Variants in SYT9 observed in about 807,000 individuals in gnomAD.
The protein encoded by SYT9 is synaptotagmin-9.
In SYT9, 22 loss-of-function variants were observed where a neutral mutation model predicts 48.4. The observed-to-expected ratio is 0.45, with a 90% CI of 0.32 to 0.65. The LOEUF is 0.65. Ranked by LOEUF, SYT9 falls within the 30% of genes least tolerant of loss-of-function variation. SYT9 has a pLI of 0.03. For synonymous variants in SYT9, 265 were observed against 245.0 expected, an observed-to-expected ratio of 1.08 and a Z score of -0.76; for missense variants, 577 against 622.0, an observed-to-expected ratio of 0.93 and a Z score of 0.77.
intron 3 of SYT9, among the ~76,000 whole-genome samples, chr11:7,371,734 C>T (rs1850366398): frequency 6.6e-6 from 1 of 152,110 alleles, no homozygotes; most frequent in South Asian, 2.1e-4. Flanking sequence ...CTGTGATTTC[C>T]TCTTCTTGCA....
At chr11:7,419,361 G>C (rs1847307222) in intron 5 of SYT9, among the ~76,000 whole-genome samples, 1 of 151,942 alleles carries the variant, frequency 6.6e-6, no homozygotes, top group Non-Finnish European at 1.5e-5. Flanking sequence ...AATGGGCAGA[G>C]ACTCAAATAT....
chr11:7,408,180 G>A (rs1366080346), intron 3 of SYT9, among the ~76,000 whole-genome samples: 1 of 152,182 alleles, frequency 6.6e-6, no homozygotes, highest in Non-Finnish European at 1.5e-5. Context: ...CCAGGCTGGA[G>A]TGCAATGGCA....
At chr11:7,271,916 G>C (rs1313476466) in intron 1 of SYT9, among the ~76,000 whole-genome samples, 1 of 152,126 alleles carries the variant, frequency 6.6e-6, no homozygotes, top group Non-Finnish European at 1.5e-5. Context: ...TAGATATTTA[G>C]AGAAAAAATG....
chr11:7,247,446 C>T (rs937075241), upstream of SYT9, among the ~76,000 whole-genome samples: 3 of 150,884 alleles, frequency 2.0e-5, no homozygotes, highest in African/African-American at 7.3e-5. Flanking sequence ...CTTTTTATGG[C>T]TGAGTAGTAT....
chr11:7,364,265 C>T (rs889802505), intron 3 of SYT9, among the ~76,000 whole-genome samples: 2 of 152,112 alleles, frequency 1.3e-5, no homozygotes, highest in African/African-American at 2.4e-5. Flanking sequence ...ATGTTGGCAG[C>T]GAGTTAAGGC....
In SYT9 at chr11:7,313,457, A is replaced by G; in HGVS notation, c.560A>G (p.Gln187Arg). The change falls in exon 3 of 7, where the codon CAA becomes CGA. Residue 187 changes from glutamine to arginine, a missense_variant. Transcript: ENST00000318881. ...CCGGACTTCAATATCCAGCAGCTTC[A>G]AAAACAGGAACAGTTGACTGGAATT... ...SNPDFNIQQLQKQEQLTGIGR... is the reference protein window; with the variant it reads ...SNPDFNIQQLRKQEQLTGIGR... 6.2e-7 allele frequency: 1 copy of G among 1,614,014 alleles called. No individual in the cohort carries two copies. Among genetic ancestry groups the G allele is most frequent in the African/African-American group, 1.3e-5 (1 of 75,064 alleles).
chr11:7,369,031 G>T (rs1850303353), intron 3 of SYT9, among the ~76,000 whole-genome samples: 1 of 152,068 alleles, frequency 6.6e-6, no homozygotes, highest in Non-Finnish European at 1.5e-5. Context: ...TGGTATTTGT[G>T]GTTCTAAAAC....
intron 3 of SYT9, among the ~76,000 whole-genome samples, chr11:7,411,686 C>T (rs1278139168): frequency 6.6e-6 from 1 of 152,122 alleles, no homozygotes. Flanking sequence ...GACTATAATA[C>T]GCTGCAGAGA....
At chr11:7,387,019 A>G (rs1850674376) in intron 3 of SYT9, among the ~76,000 whole-genome samples, 1 of 152,194 alleles carries the variant, frequency 6.6e-6, no homozygotes, top group South Asian at 2.1e-4. Context: ...GAAGCTGTAA[A>G]CCATCATTCT....
At chr11:7,243,704 TG>T (rs1564833972) in intron 1 of SYT9, among the ~76,000 whole-genome samples, 1 of 152,040 alleles carries the variant, frequency 6.6e-6, no homozygotes, top group Non-Finnish European at 1.5e-5. Context: ...TCACTGGGGA[TG>T]GGGGAGGTTT....
At chr11:7,384,907 T>G (rs980338237) in intron 3 of SYT9, among the ~76,000 whole-genome samples, 1 of 152,138 alleles carries the variant, frequency 6.6e-6, no homozygotes, top group African/African-American at 2.4e-5. Context: ...GCATCTGTGC[T>G]TGCTCCTCTG....
At chr11:7,451,415 G>A (rs774211517) in intron 6 of SYT9, among the ~76,000 whole-genome samples, 2 of 152,102 alleles carry the variant, frequency 1.3e-5, no homozygotes, top group African/African-American at 2.4e-5. Context: ...AATTTCCCTC[G>A]CTATCTTAGC....
intron 1 of SYT9, among the ~76,000 whole-genome samples, chr11:7,261,237 C>T (rs918556048): frequency 2.6e-5 from 4 of 152,186 alleles, no homozygotes; most frequent in Non-Finnish European, 5.9e-5. Context: ...CTATTGAAGA[C>T]ATCTTAGTTT....
chr11:7,285,146 G>T (rs1848573635), intron 1 of SYT9, among the ~76,000 whole-genome samples: 1 of 152,122 alleles, frequency 6.6e-6, no homozygotes, highest in African/African-American at 2.4e-5. Flanking sequence ...GATGAGGCAG[G>T]ATTCTTTCTC....
rs777994542 is a variant in SYT9, at chr11:7,252,013, C to A, written c.-174C>A. 2.7e-4 allele frequency: 172 copies of A among 640,468 alleles called. 1 individual carries two copies. Among genetic ancestry groups the A allele is most frequent in the Non-Finnish European group, 3.6e-4 (156 of 429,576 alleles). The allele number at this position is 640,468 out of a possible 1,614,324, so 39.7% of individuals were successfully genotyped here. ...CCGGCTGGCGAAGAGCTGCATGCAA[C>A]CGGTGGGAGGCCGGGCCGGCTGGGT... On this transcript the variant is annotated 5_prime_UTR_variant, in exon 1 of 7. Coordinates refer to ENST00000318881, the MANE Select transcript of SYT9 (RefSeq NM_175733.4). This position sits in a 1 kb window ranked among gnomAD's most constrained non-coding sequence, Gnocchi z 6.3.
At position 7,261,253 on chromosome 11, in the gene SYT9, A is replaced by G. The variant is rs190172535; in HGVS notation, c.145+8922A>G. 2.1e-4 allele frequency among the ~76,000 whole-genome samples: 32 copies of G among 152,296 alleles called. No homozygotes were observed. In the East Asian group the frequency reaches 5.2e-3, roughly 25 times the overall value. ...TATTGAAGACATCTTAGTTTGTATC[A>G]GCTGTAGCACTGCAGAACCATTAAA... On this transcript the variant is annotated intron_variant, in intron 1 of 6. Coordinates refer to ENST00000318881, the MANE Select transcript of SYT9 (RefSeq NM_175733.4).
chr11:7,351,524 A>T (rs1022742537), intron 3 of SYT9, among the ~76,000 whole-genome samples: 1 of 152,120 alleles, frequency 6.6e-6, no homozygotes, highest in African/African-American at 2.4e-5. Flanking sequence ...CCAGAGCCTT[A>T]CCCTGTCATC....
At chr11:7,378,979 A>G (rs1850506201) in intron 3 of SYT9, among the ~76,000 whole-genome samples, 1 of 152,212 alleles carries the variant, frequency 6.6e-6, no homozygotes, top group Non-Finnish European at 1.5e-5. Flanking sequence ...ACTCAGTTCT[A>G]AGGATGCTTT....
intron 1 of SYT9, among the ~76,000 whole-genome samples, chr11:7,294,747 C>A (rs1439847826): frequency 6.6e-6 from 1 of 152,240 alleles, no homozygotes; most frequent in Non-Finnish European, 1.5e-5. Flanking sequence ...CCCACACACC[C>A]ACACATCTGG....
Sources: gnomAD v4.1 joint callset for allele counts (sites outside exome capture counted in the v4.1 genomes callset) on GRCh38, gnomAD v4.1.1 for gene constraint, Gnocchi (gnomAD v3.1) non-coding constraint, MANE v1.5 for transcripts, NCBI Gene and HGNC (gene_info 2026-07-23, HGNC 2026-07-21) for gene names.